ABCB8: variants seen among roughly 807,000 people sequenced by gnomAD.
ABCB8 encodes the protein ATP binding cassette subfamily B member 8.
A neutral mutation model predicts 73.0 loss-of-function variants in ABCB8; 52 were observed. The observed-to-expected ratio is 0.71, with a 90% CI of 0.57 to 0.90. The LOEUF (loss-of-function observed/expected upper bound fraction) is 0.90, where lower values mean the gene tolerates loss of function less well. Ranked by LOEUF, ABCB8 falls within the 40% of genes least tolerant of loss-of-function variation. The pLI, the probability that ABCB8 is intolerant of heterozygous loss-of-function variation, is 0.00. For missense variants in ABCB8, 909 were observed against 974.6 expected, an observed-to-expected ratio of 0.93 and a Z score of 0.90; for synonymous variants, 428 against 423.5, an observed-to-expected ratio of 1.01 and a Z score of -0.13.
At chr7:151,032,649 G>A (rs1297531570) in intron 1 of ABCB8, among the ~76,000 whole-genome samples, 1 of 151,418 alleles carries the variant, frequency 6.6e-6, no homozygotes, top group Non-Finnish European at 1.5e-5. Context: ...AGCCGAGATT[G>A]TGCCGCTTCA....
At chr7:151,042,479 T>TG (rs1466998752) in intron 14 of ABCB8, among the ~76,000 whole-genome samples, 1 of 152,034 alleles carries the variant, frequency 6.6e-6, no homozygotes, top group African/African-American at 2.4e-5. Context: ...ACAGAAGAAA[T>TG]GGGGGGCTGC....
In ABCB8 at chr7:151,036,098, T is replaced by G; in HGVS notation, c.1039T>G (p.Cys347Gly). The G allele has an allele frequency of 6.2e-7, 1 of 1,613,398 alleles. No homozygotes were observed. Among genetic ancestry groups the G allele is most frequent in the Non-Finnish European group, 8.5e-7 (1 of 1,180,000 alleles). ...GCGCTATGGGGCAGAGCTGGAAGCC[T>G]GCCGCTGCCGGGCAGAGGAGCTGGG... ...EERYGAELEACRCRAEELGRG... is the reference protein window; with the variant it reads ...EERYGAELEAGRCRAEELGRG... The change falls in exon 8 of 16, where the codon TGC (cysteine) becomes GGC (glycine). Residue 347 changes from cysteine to glycine, a missense_variant. Transcript: ENST00000358849.
intron 1 of ABCB8, 24 bp from the exon 2 acceptor site, chr7:151,033,581 A>G: frequency 6.5e-7 from 1 of 1,532,190 alleles, no homozygotes; most frequent in Non-Finnish European, 8.8e-7. Flanking sequence ...GCCTCAAGCC[A>G]TCCATGCCTC....
chr7:151,043,453 A>G (rs1191050992), intron 14 of ABCB8, among the ~76,000 whole-genome samples: 2 of 118,678 alleles, frequency 1.7e-5, no homozygotes, highest in African/African-American at 3.4e-5. Context: ...CAGAGACAGG[A>G]CTAGGGTGCA....
At chr7:151,037,621 G>C in intron 9 of ABCB8, 1 of 387,534 alleles carries the variant, frequency 2.6e-6, no homozygotes, top group South Asian at 2.3e-5. Context: ...CACGAACCGT[G>C]CATCACCTCT....
Position 151,045,484 on chromosome 7 carries a change from A to T in ABCB8, c.*135A>T. ...GTCGCTGCGGCTGCTCCTGCTCACA[A>T]TAAAGCCGGGGCCGAGCAGCTGGCA... On this transcript the variant is annotated 3_prime_UTR_variant, in exon 16 of 16. Transcript: ENST00000358849. 1 of 1,163,108 alleles carries T rather than the reference A, an allele frequency of 8.6e-7. No homozygotes were observed. The highest frequency in any genetic ancestry group is 3.2e-5 in the East Asian group (1 of 31,390). The allele number at this position is 1,163,108 out of a possible 1,614,324, so 72.0% of individuals were successfully genotyped here.
At chr7:151,041,847 G>C in intron 13 of ABCB8, 114 bp from the exon 14 acceptor site, 2 of 1,301,708 alleles carry the variant, frequency 1.5e-6, no homozygotes, top group Non-Finnish European at 2.1e-6. Context: ...TTCTTCAAGA[G>C]ATCCTAATCT....
chr7:151,034,145 A>G, intron 2 of ABCB8, 128 bp from the exon 3 acceptor site: 2 of 1,237,930 alleles, frequency 1.6e-6, no homozygotes, highest in South Asian at 1.4e-5. Flanking sequence ...ATGTGTCCAC[A>G]TGACCAGCCA....
intron 5 of ABCB8, 102 bp from the exon 6 acceptor site, chr7:151,035,479 T>G: frequency 7.2e-7 from 1 of 1,390,928 alleles, no homozygotes; most frequent in South Asian, 1.4e-5. Flanking sequence ...GACCTGGGCC[T>G]TGGCCGTGGG....
At chr7:151,039,396 G>A (rs1054371478) in intron 9 of ABCB8, 2 of 152,462 alleles carry the variant, frequency 1.3e-5, no homozygotes, top group African/African-American at 4.8e-5. Flanking sequence ...GCTGGAAGAA[G>A]TGAGTCTGCA....
At position 151,045,472 on chromosome 7, in the gene ABCB8, C is replaced by A; in HGVS notation, c.*123C>A. On this transcript the variant is annotated 3_prime_UTR_variant, in exon 16 of 16. Transcript: ENST00000358849. The stretch of plus-strand genomic sequence containing the variant: ...AGCATGTGGAGAGTCGCTGCGGCTG[C>A]TCCTGCTCACAATAAAGCCGGGGCC... 1 of 1,230,064 alleles carries A rather than the reference C, an allele frequency of 8.1e-7. No homozygotes were observed. The highest frequency in any genetic ancestry group is 1.0e-6 in the Non-Finnish European group (1 of 953,692). 76.2% of individuals were successfully genotyped at this position (1,230,064 alleles called of 1,614,324 possible).
Position 151,044,593 on chromosome 7 carries a change from A to AG in ABCB8, c.2016+372_2016+373insG, listed in dbSNP as rs1471646545. Reference sequence around the variant, plus strand: ...TCTCTACAAAATACCAAAAAAAAAAAATTAGCCGGATGTGGTGGCATGCAC... The same window carrying AG: ...TCTCTACAAAATACCAAAAAAAAAAAGATTAGCCGGATGTGGTGGCATGCAC... On this transcript the variant is annotated intron_variant, in intron 15 of 15. Coordinates refer to ENST00000358849, the MANE Select transcript of ABCB8 (RefSeq NM_007188.5). Among the ~76,000 whole-genome samples, 3 of 152,128 alleles carry AG rather than the reference A, an allele frequency of 2.0e-5. No individual in the cohort carries two copies. In the East Asian group the frequency reaches 5.8e-4, roughly 29 times the overall value.
At chr7:151,043,837 C>T in intron 14 of ABCB8, 134 bp from the exon 15 acceptor site, 1 of 1,280,802 alleles carries the variant, frequency 7.8e-7, no homozygotes, top group African/African-American at 1.5e-5. Context: ...GGGTCAGAGG[C>T]AGGAGGAGGG....
In ABCB8 at chr7:151,034,535, CT is replaced by C; in HGVS notation, c.596del (p.Leu199ArgfsTer37). 1 of 1,613,530 alleles carries C rather than the reference CT, an allele frequency of 6.2e-7. No homozygotes were observed. Among genetic ancestry groups the C allele is most frequent in the Non-Finnish European group, 8.5e-7 (1 of 1,180,024 alleles). On this transcript the variant is annotated frameshift_variant, in exon 4 of 16. Coordinates refer to ENST00000358849, the MANE Select transcript of ABCB8 (RefSeq NM_007188.5). LOFTEE classifies it high-confidence loss of function. ...GCTGACCTTCGGGTACCTGGTGCTG[CT>C]GTCCCACGTTGGCGAGCGCATGGCT... ...GLLTFGYLVL[L>X]SHVGERMAVD...
intron 9 of ABCB8, chr7:151,037,306 A>G (rs1266406112): frequency 1.4e-6 from 1 of 702,956 alleles, no homozygotes; most frequent in East Asian, 2.7e-5. Flanking sequence ...CATGCATGGA[A>G]GGACCATCCT....
chr7:151,038,759 T>C (rs576784990), intron 9 of ABCB8: 31 of 152,314 alleles, frequency 2.0e-4, no homozygotes, highest in African/African-American at 7.5e-4. Context: ...GCTGTTTCGC[T>C]GGCTGCTCCC....
At chr7:151,036,997 A>G in intron 9 of ABCB8, 1 of 688,444 alleles carries the variant, frequency 1.5e-6, no homozygotes, top group Admixed American at 2.0e-5. Flanking sequence ...TGTGCAGCTC[A>G]TGGGCAGTGG....
At chr7:151,032,890 A>G in intron 1 of ABCB8, 1 of 386,032 alleles carries the variant, frequency 2.6e-6, no homozygotes. Flanking sequence ...CAGGGAGGGG[A>G]GGTAGGGTAA....
rs1165988460 is a variant in ABCB8 at position 151,033,620 on chromosome 7, C to T, written c.111C>T (p.Tyr37=). 5 of 1,581,674 alleles carry T rather than the reference C, an allele frequency of 3.2e-6. No individual in the cohort carries two copies. The highest frequency in any genetic ancestry group is 4.3e-6 in the Non-Finnish European group (5 of 1,161,174). ...TFSAVRYSDG[Y]RSSSLLRAVA... ...CTCCTTACAGGTACTCTGATGGCTACCGCAGCTCCTCCCTCCTCCGGGCCG... is the reference window on the plus strand; with the variant it reads ...CTCCTTACAGGTACTCTGATGGCTATCGCAGCTCCTCCCTCCTCCGGGCCG... Residue 37 remains tyrosine, a synonymous_variant, in exon 2 of 16, where the codon TAC becomes TAT. Transcript: ENST00000358849.
Sources: allele counts gnomAD v4.1 joint callset (sites outside exome capture counted in the v4.1 genomes callset), GRCh38; gene constraint gnomAD v4.1.1; transcripts MANE v1.5; gene names NCBI Gene and HGNC (gene_info 2026-07-23, HGNC 2026-07-21).